The following LRBA variants were observed in gnomAD, a reference collection of about 807,000 sequenced individuals.
LRBA encodes the protein LPS responsive beige-like anchor protein.
In LRBA, 176 loss-of-function variants were observed where a neutral mutation model predicts 330.0. The observed-to-expected ratio is 0.53, with a 90% CI of 0.47 to 0.60. The LOEUF (loss-of-function observed/expected upper bound fraction) is 0.60, where lower values mean the gene tolerates loss of function less well. Ranked by LOEUF, LRBA falls within the 20% of genes least tolerant of loss-of-function variation. The pLI is 0.00. For missense variants in LRBA, 3,259 were observed against 3,444.8 expected (o/e 0.95, Z 1.35); for synonymous variants, 1,230 against 1,193.0 (o/e 1.03, Z -0.64).
In LRBA at chr4:150,272,941, A is replaced by G. The variant is rs188737534; in HGVS notation, c.8468+4912T>C. ...CCTAGCAAGACAGACCAACATTCAA[A>G]TTCAGGAAATACAGAGAACACCACA... On this transcript the variant is annotated intron_variant, in intron 56 of 56. Transcript: ENST00000651943. Among the ~76,000 whole-genome samples the G allele has an allele frequency of 2.2e-3, 337 of 152,266 alleles. 2 individuals are homozygous for G. Among genetic ancestry groups the G allele is most frequent in the Admixed American group, 5.0e-3 (76 of 15,304 alleles).
At chr4:150,805,732 T>A (rs1560843394) in intron 33 of LRBA, among the ~76,000 whole-genome samples, 1 of 151,794 alleles carries the variant, frequency 6.6e-6, no homozygotes, top group Non-Finnish European at 1.5e-5. Flanking sequence ...CCTCATCCAC[T>A]CCATAAATAG....
chr4:150,767,745 G>T (rs1458777897), intron 34 of LRBA, among the ~76,000 whole-genome samples: 1 of 116,422 alleles, frequency 8.6e-6, no homozygotes, highest in Non-Finnish European at 1.8e-5. Context: ...GCAACAGAGC[G>T]AGACTTGTTG....
intron 40 of LRBA, among the ~76,000 whole-genome samples, chr4:150,500,129 G>T (rs536409097): frequency 6.6e-6 from 1 of 152,102 alleles, no homozygotes; most frequent in African/African-American, 2.4e-5. Context: ...CATGAAGAAA[G>T]GATGTTTGAC....
At chr4:150,332,482 G>C (rs1734114326) in intron 48 of LRBA, among the ~76,000 whole-genome samples, 1 of 152,124 alleles carries the variant, frequency 6.6e-6, no homozygotes, top group Non-Finnish European at 1.5e-5. Context: ...CTTTAGATCA[G>C]AGACTGCCTA....
chr4:150,952,740 T>C (rs996810386), intron 2 of LRBA, among the ~76,000 whole-genome samples: 1 of 152,194 alleles, frequency 6.6e-6, no homozygotes, highest in Non-Finnish European at 1.5e-5. Context: ...TGTGTCTCTC[T>C]TGAAATTATG....
At chr4:150,777,066 TTTGTTGTTGTTGTTGTTG>T in intron 34 of LRBA, among the ~76,000 whole-genome samples, 1 of 134,306 alleles carries the variant, frequency 7.4e-6, no homozygotes, top group Non-Finnish European at 1.5e-5. Context: ...TTTGAGGGGT[TTTGTTGTTGTTGTTGTTG>T]TTGTTGTTGT....
At chr4:150,833,472 T>C (rs1446394078) in intron 28 of LRBA, among the ~76,000 whole-genome samples, 2 of 152,142 alleles carry the variant, frequency 1.3e-5, no homozygotes, top group African/African-American at 4.8e-5. Flanking sequence ...TCCGGACCAC[T>C]GCAATAAAGT....
intron 17 of LRBA, among the ~76,000 whole-genome samples, chr4:150,874,069 T>C (rs944418152): frequency 1.2e-4 from 19 of 152,304 alleles, no homozygotes; most frequent in African/African-American, 3.8e-4. Flanking sequence ...AAAAGAAATA[T>C]TAATATAATA....
intron 33 of LRBA, among the ~76,000 whole-genome samples, chr4:150,799,175 G>T (rs747651927): frequency 1.3e-5 from 2 of 151,974 alleles, no homozygotes; most frequent in Non-Finnish European, 2.9e-5. Context: ...CACCCCCTTC[G>T]TTTTTTAAAA....
intron 44 of LRBA, among the ~76,000 whole-genome samples, chr4:150,447,853 C>G (rs1355243805): frequency 6.6e-6 from 1 of 152,190 alleles, no homozygotes; most frequent in Non-Finnish European, 1.5e-5. Context: ...TATGGTTCCA[C>G]CATCCACACT....
intron 40 of LRBA, among the ~76,000 whole-genome samples, chr4:150,575,202 G>C (rs1770393377): frequency 6.6e-6 from 1 of 151,914 alleles, no homozygotes; most frequent in African/African-American, 2.4e-5. Flanking sequence ...CCATTCCTTA[G>C]ATCATTAAAT....
At chr4:150,957,000 T>G (rs550063730) in intron 2 of LRBA, among the ~76,000 whole-genome samples, 3 of 148,830 alleles carry the variant, frequency 2.0e-5, no homozygotes, top group Admixed American at 1.3e-4. Context: ...CACATAAATA[T>G]GTAATGTGTG....
chr4:151,003,045 C>CGT (rs35823392), intron 2 of LRBA, among the ~76,000 whole-genome samples: 10,651 of 147,226 alleles, frequency 0.072, 481 homozygotes, highest in African/African-American at 0.12. Flanking sequence ...TATGTGTTTG[C>CGT]GTGTGTGTGT....
rs866926268 is a variant in LRBA, at chr4:150,908,248, A to T, written c.1493+86T>A. The T allele has an allele frequency of 1.5e-5, 21 of 1,385,662 alleles. 1 individual carries two copies. The Middle Eastern group carries it at 3.9e-3, about 255-fold the overall frequency. The allele number at this position is 1,385,662 out of a possible 1,614,324, so 85.8% of individuals were successfully genotyped here. The stretch of plus-strand genomic sequence containing the variant: ...AAGTTTAAATTATTTTGACACAACA[A>T]AACCTGAAAGGCAAAATATTGTATA... On this transcript the variant is annotated intron_variant, in intron 11 of 56. Transcript: ENST00000651943.
chr4:150,816,211 T>C (rs1744571074), intron 31 of LRBA, among the ~76,000 whole-genome samples: 1 of 151,984 alleles, frequency 6.6e-6, no homozygotes, highest in African/African-American at 2.4e-5. Flanking sequence ...GCATTATTTC[T>C]GATCTCAATA....
intron 34 of LRBA, among the ~76,000 whole-genome samples, chr4:150,796,070 C>T (rs1740739807): frequency 6.6e-6 from 1 of 151,888 alleles, no homozygotes; most frequent in Non-Finnish European, 1.5e-5. Context: ...TCCGTCCTCT[C>T]CATCTCCTCT....
intron 47 of LRBA, among the ~76,000 whole-genome samples, chr4:150,353,426 T>G (rs569824424): frequency 6.6e-6 from 1 of 152,160 alleles, no homozygotes; most frequent in Non-Finnish European, 1.5e-5. Context: ...GACCATAAAA[T>G]TCTAGAAGGC....
At chr4:150,593,258 T>G (rs760354311) in intron 38 of LRBA, among the ~76,000 whole-genome samples, 36 of 152,176 alleles carry the variant, frequency 2.4e-4, no homozygotes, top group Non-Finnish European at 5.1e-4. Flanking sequence ...GGATTTATAA[T>G]TCCTTCTTCA....
chr4:150,564,485 T>G (rs1035196332), intron 40 of LRBA, among the ~76,000 whole-genome samples: 9 of 152,160 alleles, frequency 5.9e-5, no homozygotes, highest in African/African-American at 1.9e-4. Flanking sequence ...GGGCAAGGAC[T>G]TCATGACTAA....
Sources: allele counts gnomAD v4.1 joint callset (sites outside exome capture counted in the v4.1 genomes callset), GRCh38; gene constraint gnomAD v4.1.1; transcripts MANE v1.5; gene names NCBI Gene and HGNC (gene_info 2026-07-23, HGNC 2026-07-21).